VIPR1: variants seen among roughly 807,000 people sequenced by gnomAD.
VIPR1 encodes the protein vasoactive intestinal polypeptide receptor 1.
VIPR1 carries 59 observed loss-of-function variants against 58.8 expected under a neutral mutation model. The observed-to-expected ratio is 1.00, with a 90% confidence interval of 0.81 to 1.25. The LOEUF is 1.25. Ranked by LOEUF, VIPR1 falls within the 50% of genes most tolerant of loss-of-function variation. The pLI is 0.00. For synonymous variants in VIPR1, 251 were observed against 242.1 expected (o/e 1.04, Z -0.34); for missense variants, 626 against 602.7 (o/e 1.04, Z -0.40).
intron 10 of VIPR1, chr3:42,533,815 G>A (rs1701705738): frequency 6.6e-6 from 1 of 152,356 alleles, no homozygotes; most frequent in Admixed American, 6.5e-5. Context: ...CCAGGTCCAG[G>A]AAGGAGTGGG....
At chr3:42,515,025 T>C (rs1700553517) in intron 2 of VIPR1, among the ~76,000 whole-genome samples, 1 of 152,186 alleles carries the variant, frequency 6.6e-6, no homozygotes, top group South Asian at 2.1e-4. Flanking sequence ...GACACCAGCC[T>C]GGCATGTCTG....
chr3:42,493,067 A>G (rs1042597155), intron 1 of VIPR1, among the ~76,000 whole-genome samples: 11 of 152,276 alleles, frequency 7.2e-5, no homozygotes, highest in African/African-American at 2.7e-4. Context: ...TAATGAGAGT[A>G]TAAAGCCAAA....
At position 42,519,384 on chromosome 3, in the gene VIPR1, C is replaced by G; in HGVS notation, c.292+54C>G. ...TGAGTGGGGCCGGCTGGAGTGGGGA[C>G]TCACCTCTCAAGGAAGTGGAAAGGC... On this transcript the variant is annotated intron_variant, in intron 3 of 12. Transcript: ENST00000325123. 4.7e-6 allele frequency: 7 copies of G among 1,484,020 alleles called. No individual in the cohort carries two copies. In the Admixed American group the frequency reaches 1.2e-4, roughly 26 times the overall value. The allele number at this position is 1,484,020 out of a possible 1,614,324, so 91.9% of individuals were successfully genotyped here. A position where few individuals can be genotyped will look rare whatever the true frequency, so the allele number is the denominator to read the frequency against.
chr3:42,511,269 T>A (rs953081910), intron 1 of VIPR1, among the ~76,000 whole-genome samples: 20 of 152,236 alleles, frequency 1.3e-4, no homozygotes, highest in Non-Finnish European at 2.4e-4. Context: ...CAGCAGAAGC[T>A]TGAGCCCTTG....
chr3:42,531,961 T>G (rs1701580928), intron 9 of VIPR1, 92 bp downstream of exon 9: 2 of 1,454,276 alleles, frequency 1.4e-6, no homozygotes, highest in African/African-American at 1.4e-5. Context: ...AGTATCTAGG[T>G]CAGAACTGAA....
chr3:42,513,089 G>A (rs1428622095), intron 1 of VIPR1: 3 of 491,146 alleles, frequency 6.1e-6, no homozygotes, highest in Non-Finnish European at 7.9e-6. Flanking sequence ...GGATCCTAGA[G>A]GGGCTCTCTT....
At chr3:42,499,240 C>T (rs1225742445), upstream of VIPR1, among the ~76,000 whole-genome samples, 1 of 152,232 alleles carries the variant, frequency 6.6e-6, no homozygotes, top group African/African-American at 2.4e-5. Context: ...CCCCCCAGCC[C>T]CCTTCCCACT....
At chr3:42,492,207 C>T (rs1480280836) in intron 1 of VIPR1, 1 of 152,312 alleles carries the variant, frequency 6.6e-6, no homozygotes, top group African/African-American at 2.4e-5. Context: ...CCTCATCCCT[C>T]CTCCCCTATC....
chr3:42,517,536 G>A (rs1212656687), intron 2 of VIPR1, among the ~76,000 whole-genome samples: 1 of 152,236 alleles, frequency 6.6e-6, no homozygotes, highest in Non-Finnish European at 1.5e-5. Flanking sequence ...AGACCACACT[G>A]TGCATCTTTC....
At chr3:42,532,552 G>C in intron 10 of VIPR1, 1 of 606,770 alleles carries the variant, frequency 1.6e-6, no homozygotes, top group South Asian at 1.9e-5. Flanking sequence ...TGCTTCTCCT[G>C]CCCACACTCA....
intron 6 of VIPR1, among the ~76,000 whole-genome samples, chr3:42,528,945 G>A (rs1284598471): frequency 6.6e-6 from 1 of 152,134 alleles, no homozygotes; most frequent in East Asian, 1.9e-4. Flanking sequence ...AAAACCTAGG[G>A]GACCCACTTT....
At chr3:42,534,701 C>T in intron 10 of VIPR1, 1 of 307,308 alleles carries the variant, frequency 3.3e-6, no homozygotes, top group Non-Finnish European at 6.1e-6. Flanking sequence ...TACCTCTTAC[C>T]CTCTCTCCTC....
intron 1 of VIPR1, chr3:42,509,051 T>C (rs1700248644): frequency 6.6e-6 from 1 of 152,190 alleles, no homozygotes; most frequent in Non-Finnish European, 1.5e-5. Flanking sequence ...CTACTCCCCA[T>C]TCCCCTGCCT....
chr3:42,532,003 TC>T, intron 9 of VIPR1, 134 bp downstream of exon 9: 3 of 1,051,972 alleles, frequency 2.9e-6, no homozygotes, highest in Non-Finnish European at 2.8e-6. Context: ...TGCAGGATCA[TC>T]CCCACCCCTG....
In VIPR1 at chr3:42,536,349, G is replaced by C. The variant is rs1476261092; in HGVS notation, c.*68G>C. 2 of 1,437,262 alleles carry C rather than the reference G, an allele frequency of 1.4e-6. No individual in the cohort carries two copies. The highest frequency in any genetic ancestry group is 1.5e-5 in the African/African-American group (1 of 68,420). 89.0% of individuals were successfully genotyped at this position (1,437,262 alleles called of 1,614,324 possible). On this transcript the variant is annotated 3_prime_UTR_variant, in exon 13 of 13. Transcript: ENST00000325123. Reference sequence around the variant, plus strand: ...TCCCACTCACCCCGGCAGACGCCGGGGACAGAGGCCTGCCCGGGCGCGGCC... The same window carrying C: ...TCCCACTCACCCCGGCAGACGCCGGCGACAGAGGCCTGCCCGGGCGCGGCC...
intron 3 of VIPR1, among the ~76,000 whole-genome samples, chr3:42,519,868 G>A (rs1700824814): frequency 1.3e-5 from 2 of 152,208 alleles, no homozygotes. Context: ...ACTTACCAGT[G>A]TGCCAGGCAC....
At chr3:42,534,700 C>A in intron 10 of VIPR1, 1 of 307,098 alleles carries the variant, frequency 3.3e-6, no homozygotes, top group Non-Finnish European at 6.1e-6. Context: ...TTACCTCTTA[C>A]CCTCTCTCCT....
intron 1 of VIPR1, among the ~76,000 whole-genome samples, chr3:42,511,036 G>A (rs1006210546): frequency 2.0e-5 from 3 of 152,170 alleles, no homozygotes; most frequent in African/African-American, 7.2e-5. Context: ...TCCTCAGAGG[G>A]CAAGGCTGGA....
At chr3:42,508,688 G>A (rs950580333) in intron 1 of VIPR1, 2 of 152,124 alleles carry the variant, frequency 1.3e-5, no homozygotes, top group Non-Finnish European at 2.9e-5. Context: ...TGTGACTCCT[G>A]GATCCCATGA....
Sources: gnomAD v4.1 joint callset for allele counts (sites outside exome capture counted in the v4.1 genomes callset) on GRCh38, gnomAD v4.1.1 for gene constraint, MANE v1.5 for transcripts, NCBI Gene and HGNC (gene_info 2026-07-23, HGNC 2026-07-21) for gene names.